The following USP15 variants were observed in gnomAD, a reference collection of about 807,000 sequenced individuals.
USP15 encodes the protein ubiquitin specific peptidase 15, also known as ubiquitin carboxyl-terminal hydrolase 15.
USP15 carries 18 observed loss-of-function variants against 127.1 expected under a neutral mutation model. The observed-to-expected ratio is 0.14, with a 90% CI of 0.10 to 0.21. The LOEUF is 0.21. Ranked by LOEUF, USP15 falls within the 10% of genes least tolerant of loss-of-function variation. The probability of loss-of-function intolerance (pLI) is 1.00; values close to 1 mark genes in which losing one functional copy is unlikely to be tolerated. For synonymous variants in USP15, 364 were observed against 393.7 expected, an observed-to-expected ratio of 0.92 and a Z score of 0.89; for missense variants, 805 against 1,159.9, an observed-to-expected ratio of 0.69 and a Z score of 4.44.
Position 62,394,543 on chromosome 12 carries a change from A to G in USP15, c.2570+1341A>G, listed in dbSNP as rs560141147. Among the ~76,000 whole-genome samples, 41 of 152,276 alleles carry G rather than the reference A, an allele frequency of 2.7e-4. 1 individual carries two copies. The South Asian group carries it at 8.5e-3, about 32-fold the overall frequency. ...GTTTTCAAGAATATAGCATTTGGCA[A>G]TGTAAGTATAAGAAAAAGAATCAGG... is the stretch of plus-strand genomic sequence containing the variant. On this transcript the variant is annotated intron_variant, in intron 19 of 21. Coordinates refer to ENST00000280377, the MANE Select transcript of USP15 (RefSeq NM_001252078.2).
At chr12:62,350,180 C>A (rs970254488) in intron 7 of USP15, among the ~76,000 whole-genome samples, 2 of 151,482 alleles carry the variant, frequency 1.3e-5, no homozygotes, top group Non-Finnish European at 2.9e-5. Flanking sequence ...TTTTCAGTTT[C>A]TAAATGGCAT....
intron 9 of USP15, among the ~76,000 whole-genome samples, chr12:62,382,260 A>G (rs1565901972): frequency 3.2e-5 from 2 of 62,306 alleles, no homozygotes; most frequent in African/African-American, 7.7e-5. Flanking sequence ...GCTGAAATTT[A>G]GCTTTATGGC....
At chr12:62,363,208 G>C (rs944283744) in intron 8 of USP15, among the ~76,000 whole-genome samples, 2 of 152,034 alleles carry the variant, frequency 1.3e-5, no homozygotes, top group African/African-American at 4.8e-5. Flanking sequence ...GTTCTTAAAA[G>C]AACAGCCAGC....
In USP15 at chr12:62,389,450, A is replaced by C; in HGVS notation, c.1493A>C (p.Lys498Thr). 1 of 1,611,780 alleles carries C rather than the reference A, an allele frequency of 6.2e-7. No individual in the cohort carries two copies. The highest frequency in any genetic ancestry group is 8.5e-7 in the Non-Finnish European group (1 of 1,179,582). The part of the protein sequence containing the change: ...KPMQYKVVVP[K>T]IGNILDLCTA... ...TTTTAGTACAAAGTGGTTGTCCCCA[A>C]AATTGGAAACATATTAGATCTTTGT... The change falls in exon 12 of 22, where the codon AAA becomes ACA. Residue 498 changes from lysine (K) to threonine (T), a missense_variant. Physicochemically the swap from Lys to Thr is moderately conservative, Grantham distance 78. Around this residue, in one of 11 missense-constraint regions of USP15, gnomAD observed 82 missense variants for 104.4 expected, o/e 0.79. Transcript: ENST00000280377.
chr12:62,270,461 C>T (rs73135247), intron 1 of USP15, among the ~76,000 whole-genome samples: 13,311 of 152,048 alleles, frequency 0.088, 753 homozygotes, highest in Non-Finnish European at 0.13. Context: ...AGGATTTACT[C>T]ATATATTTTC....
intron 21 of USP15, among the ~76,000 whole-genome samples, chr12:62,403,873 A>G (rs1303744385): frequency 6.6e-6 from 1 of 152,066 alleles, no homozygotes; most frequent in Non-Finnish European, 1.5e-5. Context: ...AAGAGATGGT[A>G]GGAAAGAAAG....
At chr12:62,301,525 A>T (rs557624023) in intron 2 of USP15, among the ~76,000 whole-genome samples, 4 of 152,324 alleles carry the variant, frequency 2.6e-5, no homozygotes, top group Non-Finnish European at 4.4e-5. Context: ...TTAAGTATTG[A>T]TATGTAAAAA....
rs2068027245 is a variant in USP15, at chr12:62,411,009, A to C, written c.*6634A>C. On this transcript the variant is annotated 3_prime_UTR_variant, in exon 22 of 22. Transcript: ENST00000280377. ...CAGGCACCTTGGTTGCAACACCATG[A>C]AAGACCTTGATCCAGAGGTTCTCAG... 6.6e-6 allele frequency: 1 copy of C among 152,192 alleles called. No individual in the cohort carries two copies. Among genetic ancestry groups the C allele is most frequent in the African/African-American group, 2.4e-5 (1 of 41,446 alleles). The allele number at this position is 152,192 out of a possible 1,614,324, so 9.4% of individuals were successfully genotyped here.
intron 1 of USP15, among the ~76,000 whole-genome samples, chr12:62,278,278 C>A (rs1253384355): frequency 6.6e-6 from 1 of 152,100 alleles, no homozygotes; most frequent in Non-Finnish European, 1.5e-5. Flanking sequence ...GGAATACTTC[C>A]TGAAGGACCT....
rs571695966 is a variant in USP15 at position 62,411,498 on chromosome 12, G to A, written c.*7123G>A. 12 of 152,278 alleles carry A rather than the reference G, an allele frequency of 7.9e-5. No homozygotes were observed. Among genetic ancestry groups the A allele is most frequent in the Admixed American group, 4.6e-4 (7 of 15,294 alleles). The allele number at this position is 152,278 out of a possible 1,614,324, so 9.4% of individuals were successfully genotyped here. ...TAAAGCTATTTGTGAGCATAACTTC[G>A]TAACACATTTAGAACCTTTGCCTTC... is the stretch of plus-strand genomic sequence containing the variant. On this transcript the variant is annotated 3_prime_UTR_variant, in exon 22 of 22. Transcript: ENST00000280377.
chr12:62,369,975 C>CT (rs1393547147), intron 8 of USP15, among the ~76,000 whole-genome samples: 1 of 152,084 alleles, frequency 6.6e-6, no homozygotes, highest in Non-Finnish European at 1.5e-5. Context: ...TTTTATTCTT[C>CT]TTTTTTGTTT....
chr12:62,327,781 G>A (rs2065171507), intron 6 of USP15: 1 of 350,382 alleles, frequency 2.9e-6, no homozygotes, highest in African/African-American at 2.2e-5. Flanking sequence ...GTGAATACAG[G>A]TGCTGTACTA....
At chr12:62,331,608 A>G (rs1420651932) in intron 6 of USP15, among the ~76,000 whole-genome samples, 1 of 152,212 alleles carries the variant, frequency 6.6e-6, no homozygotes, top group Non-Finnish European at 1.5e-5. Flanking sequence ...CTGAAAATAG[A>G]GGAACCTACT....
Position 62,396,375 on chromosome 12 carries a change from A to T in USP15, c.2651A>T (p.Tyr884Phe). 6.2e-7 allele frequency: 1 copy of T among 1,613,288 alleles called. No individual in the cohort carries two copies. Among genetic ancestry groups the T allele is most frequent in the Non-Finnish European group, 8.5e-7 (1 of 1,179,568 alleles). The change falls in exon 20 of 22, where the codon TAT becomes TTT. Residue 884 changes from tyrosine to phenylalanine, a missense_variant. Coordinates refer to ENST00000280377, the MANE Select transcript of USP15 (RefSeq NM_001252078.2). The stretch of plus-strand genomic sequence containing the variant: ...AATCTGATTGCTGTTTCCAACCACT[A>T]TGGAGGGATGGGAGGAGGACACTGT... ...RYNLIAVSNH[Y>F]GGMGGGHYTA...
chr12:62,383,118 T>A (rs537950564), intron 9 of USP15, among the ~76,000 whole-genome samples: 36 of 151,918 alleles, frequency 2.4e-4, no homozygotes, highest in Non-Finnish European at 4.7e-4. Flanking sequence ...ATAATTCATA[T>A]ATATTCCTGT....
chr12:62,312,277 C>A, intron 3 of USP15: 2 of 342,186 alleles, frequency 5.8e-6, no homozygotes, highest in Admixed American at 3.3e-5. Flanking sequence ...ATTTCTCTTC[C>A]CATTTCAGGG....
At chr12:62,298,797 C>G (rs1047945357) in intron 2 of USP15, among the ~76,000 whole-genome samples, 1 of 144,806 alleles carries the variant, frequency 6.9e-6, no homozygotes, top group Non-Finnish European at 1.5e-5. Context: ...CCACTGCACT[C>G]CAGCATGGGT....
At chr12:62,334,244 G>A (rs2065390124) in intron 6 of USP15, 1 of 151,976 alleles carries the variant, frequency 6.6e-6, no homozygotes, top group Non-Finnish European at 1.5e-5. Flanking sequence ...GGTACATGAG[G>A]GTTAATGTAT....
Position 62,355,359 on chromosome 12 carries a change from T to A in USP15, c.799T>A (p.Ser267Thr). The A allele has an allele frequency of 6.2e-7, 1 of 1,609,496 alleles. No homozygotes were observed. The highest frequency in any genetic ancestry group is 8.5e-7 in the Non-Finnish European group (1 of 1,177,750). ...NVKNSNYCLP[S>T]YTAYKNYDYS... ...GAAAAACTCAAATTACTGTCTTCCA[T>A]CATATACCGCTTATAAGAACTATGA... Residue 267 changes from serine to threonine, a missense_variant, in exon 8 of 22, where the codon TCA becomes ACA. Ser to Thr is a moderately conservative substitution (Grantham distance 58, BLOSUM62 1). Transcript: ENST00000280377.
Sources: gnomAD v4.1 joint callset for allele counts (sites outside exome capture counted in the v4.1 genomes callset) on GRCh38, gnomAD v4.1.1 for gene constraint, gnomAD v4.1.1 regional missense constraint, MANE v1.5 for transcripts, NCBI Gene and HGNC (gene_info 2026-07-23, HGNC 2026-07-21) for gene names.